Variants in PODXL observed in about 807,000 individuals in gnomAD.
PODXL encodes podocalyxin like.
A neutral mutation model predicts 48.9 loss-of-function variants in PODXL; 20 were observed. That is an observed-to-expected ratio of 0.41 (90% CI 0.29 to 0.59). The LOEUF is 0.59. Ranked by LOEUF, PODXL falls within the 20% of genes least tolerant of loss-of-function variation. The pLI is 0.31. For missense variants in PODXL, 606 were observed against 675.1 expected (o/e 0.90, Z 1.13); for synonymous variants, 295 against 287.4 (o/e 1.03, Z -0.27).
intron 1 of PODXL, among the ~76,000 whole-genome samples, chr7:131,536,572 C>A (rs1220637755): frequency 6.6e-6 from 1 of 152,206 alleles, no homozygotes; most frequent in African/African-American, 2.4e-5. Context: ...AAGGCCAGTC[C>A]AACACAGCAG....
intron 1 of PODXL, among the ~76,000 whole-genome samples, chr7:131,521,651 A>G (rs1373923000): frequency 1.3e-5 from 2 of 152,294 alleles, no homozygotes; most frequent in East Asian, 3.9e-4. Context: ...ACAATTTTCA[A>G]ATGAATTTCT....
At chr7:131,548,259 A>G (rs2116866769) in intron 1 of PODXL, among the ~76,000 whole-genome samples, 1 of 152,386 alleles carries the variant, frequency 6.6e-6, no homozygotes, top group Non-Finnish European at 1.5e-5. Flanking sequence ...GAGACGTCCA[A>G]GGTTTGCAGG....
At chr7:131,533,364 A>G (rs545074461) in intron 1 of PODXL, among the ~76,000 whole-genome samples, 7 of 152,266 alleles carry the variant, frequency 4.6e-5, no homozygotes, top group Admixed American at 4.6e-4. Context: ...AGGGGCTGAG[A>G]GCTGCCCCCT....
chr7:131,546,674 C>T (rs1038950183), intron 1 of PODXL, among the ~76,000 whole-genome samples: 4 of 134,638 alleles, frequency 3.0e-5, no homozygotes, highest in Admixed American at 8.8e-5. Context: ...TGCAGTGAGT[C>T]GAGATCGTGC....
Position 131,511,058 on chromosome 7 carries a change from C to A in PODXL, c.476G>T (p.Gly159Val). ...GGTCACACTGTGGCTGCTTTTCCCCCCAGAGTTTGTTGTATCTTCTGCTCC... is the reference window on the plus strand; with the variant it reads ...GGTCACACTGTGGCTGCTTTTCCCCACAGAGTTTGTTGTATCTTCTGCTCC... ...QNGAEDTTNS[G>V]GKSSHSVTTD... The change falls in exon 2 of 9, where the codon GGG becomes GTG. Residue 159 changes from glycine to valine, a missense_variant. Coordinates refer to ENST00000378555, the MANE Select transcript of PODXL (RefSeq NM_001018111.3). 1 of 1,614,016 alleles carries A rather than the reference C, an allele frequency of 6.2e-7. No homozygotes were observed.
At position 131,504,056 on chromosome 7, in the gene PODXL, GGCTTTTTC is replaced by G; in HGVS notation, c.*247_*254del. 1 of 542,678 alleles carries G rather than the reference GGCTTTTTC, an allele frequency of 1.8e-6. No individual in the cohort carries two copies. The highest frequency in any genetic ancestry group is 3.3e-6 in the Non-Finnish European group (1 of 302,604). The allele number at this position is 542,678 out of a possible 1,614,324, so 33.6% of individuals were successfully genotyped here. On this transcript the variant is annotated 3_prime_UTR_variant, in exon 9 of 9. Transcript: ENST00000378555. ...AGTTCATCTATAAAGTCCCTTACGT[GGCTTTTTC>G]TTGATCTCCCTCATCATCCAGCAGC... is the stretch of plus-strand genomic sequence containing the variant.
chr7:131,526,405 C>A lies in PODXL; in HGVS notation c.101-14972G>T, dbSNP rs1390473307. Among the ~76,000 whole-genome samples the A allele has an allele frequency of 1.3e-3, 198 of 151,934 alleles. 2 individuals carry two copies. The highest frequency in any genetic ancestry group is 1.0e-4 in the Non-Finnish European group (7 of 67,960). ...TAAATAAATGATTAAATAAATAAAG[C>A]ATCCTTACAGTGCTTTTCCAAAAAA... On this transcript the variant is annotated intron_variant, in intron 1 of 8. Coordinates refer to ENST00000378555, the MANE Select transcript of PODXL (RefSeq NM_001018111.3).
intron 1 of PODXL, 34 bp downstream of exon 1, chr7:131,556,226 G>T: frequency 6.9e-7 from 1 of 1,444,998 alleles, no homozygotes; most frequent in Admixed American, 2.7e-5. Flanking sequence ...TGGGCACGGT[G>T]GGAGTCCCGG....
At chr7:131,537,332 C>T (rs1256999036) in intron 1 of PODXL, among the ~76,000 whole-genome samples, 3 of 150,636 alleles carry the variant, frequency 2.0e-5, no homozygotes, top group Non-Finnish European at 3.0e-5. Context: ...AAGCCAAGCA[C>T]GGTGGCTCAC....
intron 1 of PODXL, among the ~76,000 whole-genome samples, chr7:131,548,583 C>T (rs977337802): frequency 3.3e-5 from 5 of 152,218 alleles, no homozygotes; most frequent in Non-Finnish European, 1.5e-5. Flanking sequence ...CACGAGGCCA[C>T]GTGTGAATGA....
chr7:131,510,511 AAAATAAAT>A (rs551667780), intron 2 of PODXL, among the ~76,000 whole-genome samples, 180 bp from the exon 3 acceptor site: 5 of 151,306 alleles, frequency 3.3e-5, no homozygotes, highest in African/African-American at 1.2e-4. Flanking sequence ...CTCCATCTCA[AAAATAAAT>A]AAATAAATAA....
chr7:131,525,580 A>G (rs925504210), intron 1 of PODXL, among the ~76,000 whole-genome samples: 3 of 151,566 alleles, frequency 2.0e-5, no homozygotes, highest in African/African-American at 7.3e-5. Context: ...AGCCCGGGAG[A>G]CAAGAGCAAA....
At chr7:131,516,498 CAGAG>C (rs1192362422) in intron 1 of PODXL, among the ~76,000 whole-genome samples, 1 of 151,754 alleles carries the variant, frequency 6.6e-6, no homozygotes, top group African/African-American at 2.4e-5. Context: ...ACCTGGGAGA[CAGAG>C]AGATACTGTG....
At chr7:131,542,211 CT>C (rs1274482558) in intron 1 of PODXL, among the ~76,000 whole-genome samples, 2 of 152,218 alleles carry the variant, frequency 1.3e-5, no homozygotes, top group Non-Finnish European at 2.9e-5. Context: ...CTCTTGCCCC[CT>C]GGCCCTCAAG....
chr7:131,526,513 A>AG (rs1798188184), intron 1 of PODXL, among the ~76,000 whole-genome samples: 1 of 151,960 alleles, frequency 6.6e-6, no homozygotes, highest in South Asian at 2.1e-4. Context: ...TACAGAAAAA[A>AG]AAAAAGCACA....
At chr7:131,514,885 AGGTGTGAGCCATGGCACCCAGCCCTGGAT>A (rs1797967867) in intron 1 of PODXL, among the ~76,000 whole-genome samples, 1 of 152,298 alleles carries the variant, frequency 6.6e-6, no homozygotes, top group Admixed American at 6.5e-5. Flanking sequence ...CTGGGATTAC[AGGTGTGAGCCATGGCACCCAGCCCTGGAT>A]GGTTGCTTCT....
In PODXL at chr7:131,509,376, C is replaced by G; in HGVS notation, c.1012G>C (p.Glu338Gln). 1 of 1,613,846 alleles carries G rather than the reference C, an allele frequency of 6.2e-7. No homozygotes were observed. The highest frequency in any genetic ancestry group is 1.1e-5 in the South Asian group (1 of 91,056). Reference protein sequence around the residue: ...PKTPSPTVAHESNWAKCEDLE... With the variant: ...PKTPSPTVAHQSNWAKCEDLE... ...CCTGCTGGAGTTACCCAGTTACTCT[C>G]ATGAGCCACAGTGGGAGAAGGTGTT... The change falls in exon 4 of 9, where the codon GAG (glutamate) becomes CAG (glutamine). Residue 338 changes from glutamate to glutamine, a missense_variant. Transcript: ENST00000378555.
chr7:131,501,521 C>A lies in PODXL; in HGVS notation c.*2790G>T, dbSNP rs767642388. The A allele has an allele frequency of 6.6e-6, 1 of 152,374 alleles. No homozygotes were observed. Among genetic ancestry groups the A allele is most frequent in the Non-Finnish European group, 1.5e-5 (1 of 68,028 alleles). 9.4% of individuals were successfully genotyped at this position (152,374 alleles called of 1,614,324 possible). A position where few individuals can be genotyped will look rare whatever the true frequency, so the allele number is the denominator to read the frequency against. ...TAGATTAAACCCGTATTCTGTCTTA[C>A]AACGCAAAGAATATTCTGTACCTCC... On this transcript the variant is annotated 3_prime_UTR_variant, in exon 9 of 9. Coordinates refer to ENST00000378555, the MANE Select transcript of PODXL (RefSeq NM_001018111.3).
At chr7:131,535,850 C>G (rs1420511909) in intron 1 of PODXL, among the ~76,000 whole-genome samples, 1 of 152,198 alleles carries the variant, frequency 6.6e-6, no homozygotes, top group Non-Finnish European at 1.5e-5. Context: ...CAGCCTTGAC[C>G]TCCCAGGCTC....
Sources: allele counts gnomAD v4.1 joint callset (sites outside exome capture counted in the v4.1 genomes callset), GRCh38; gene constraint gnomAD v4.1.1; transcripts MANE v1.5; gene names NCBI Gene and HGNC (gene_info 2026-07-23, HGNC 2026-07-21).